PHKB: variants seen among roughly 807,000 people sequenced by gnomAD.
The protein encoded by PHKB is phosphorylase kinase regulatory subunit beta, also known as phosphorylase b kinase regulatory subunit beta.
A neutral mutation model predicts 152.1 loss-of-function variants in PHKB; 122 were observed. That is an observed-to-expected ratio of 0.80 (90% CI 0.69 to 0.93). The LOEUF is 0.93. Among genes scored for constraint, PHKB ranks in the 40% least tolerant of loss-of-function variants. The pLI is 0.00. For missense variants in PHKB, 1,304 were observed against 1,328.4 expected (o/e 0.98, Z 0.29); for synonymous variants, 436 against 464.9 (o/e 0.94, Z 0.80).
intron 6 of PHKB, among the ~76,000 whole-genome samples, chr16:47,530,248 G>A (rs1401830732): frequency 6.8e-6 from 1 of 146,810 alleles, no homozygotes; most frequent in Non-Finnish European, 1.5e-5. Flanking sequence ...TAATTTTCAT[G>A]TCTCAGCCAC....
rs766073838 is a variant in PHKB, at chr16:47,693,394, C to T, written c.2782C>T (p.Arg928Cys). 5.0e-6 allele frequency: 8 copies of T among 1,613,860 alleles called. No homozygotes were observed. Among genetic ancestry groups the T allele is most frequent in the South Asian group, 1.1e-5 (1 of 91,084 alleles). Residue 928 changes from arginine to cysteine, a missense_variant, in exon 28 of 31, where the codon CGT (arginine) becomes TGT (cysteine). Physicochemically the swap from Arg to Cys is radical, Grantham distance 180. Transcript: ENST00000323584. The part of the protein sequence containing the change: ...QQNGRCWLNR[R>C]QIDGSLNRTP... Reference sequence around the variant, plus strand: ...TTGTTACAGATGTTGGCTGAACAGGCGTCAGATCGATGGGTCTTTGAATAG... The same window carrying T: ...TTGTTACAGATGTTGGCTGAACAGGTGTCAGATCGATGGGTCTTTGAATAG...
intron 13 of PHKB, among the ~76,000 whole-genome samples, chr16:47,601,888 A>AT (rs1190951644): frequency 1.3e-5 from 2 of 152,158 alleles, no homozygotes; most frequent in Non-Finnish European, 2.9e-5. Context: ...GAATACAATA[A>AT]TTTTTTTAGG....
intron 1 of PHKB, among the ~76,000 whole-genome samples, chr16:47,471,110 T>C (rs1312523937): frequency 1.3e-5 from 2 of 152,040 alleles, no homozygotes; most frequent in African/African-American, 2.4e-5. Flanking sequence ...TCCTGCAGGG[T>C]TGAAGTAGGG....
At chr16:47,632,149 T>G (rs921371596) in intron 14 of PHKB, among the ~76,000 whole-genome samples, 1 of 152,204 alleles carries the variant, frequency 6.6e-6, no homozygotes, top group Non-Finnish European at 1.5e-5. Context: ...TCTTTTCTTA[T>G]AATAGTCCTC....
chr16:47,594,836 A>G (rs1402190847), intron 12 of PHKB, among the ~76,000 whole-genome samples: 1 of 152,240 alleles, frequency 6.6e-6, no homozygotes, highest in African/African-American at 2.4e-5. Flanking sequence ...AAGGAATTCC[A>G]AATGAGATGT....
intron 10 of PHKB, among the ~76,000 whole-genome samples, chr16:47,592,217 C>G (rs1167274224): frequency 6.6e-6 from 1 of 152,228 alleles, no homozygotes; most frequent in African/African-American, 2.4e-5. Context: ...CCCTACAACT[C>G]TCTTCGGTAT....
intron 26 of PHKB, among the ~76,000 whole-genome samples, chr16:47,686,234 T>A (rs1357266194): frequency 6.6e-6 from 1 of 152,198 alleles, no homozygotes; most frequent in Non-Finnish European, 1.5e-5. Flanking sequence ...CTAGGGATTT[T>A]AAAAGATAAA....
intron 6 of PHKB, among the ~76,000 whole-genome samples, chr16:47,541,999 A>G (rs186306547): frequency 6.6e-6 from 1 of 152,224 alleles, no homozygotes; most frequent in East Asian, 1.9e-4. Context: ...TCTTTAGTTT[A>G]ATTAGATACC....
intron 14 of PHKB, among the ~76,000 whole-genome samples, chr16:47,615,951 A>G (rs1972506949): frequency 6.6e-6 from 1 of 152,244 alleles, no homozygotes; most frequent in Admixed American, 6.5e-5. Flanking sequence ...TAAAGCATGC[A>G]ATGAAATGGT....
intron 16 of PHKB, among the ~76,000 whole-genome samples, chr16:47,645,646 G>A (rs1343806294): frequency 4.6e-5 from 7 of 151,226 alleles, no homozygotes; most frequent in South Asian, 2.1e-4. Context: ...GTCAGGTAGT[G>A]TGATGCCTCC....
intron 7 of PHKB, among the ~76,000 whole-genome samples, chr16:47,556,478 A>G (rs1324630898): frequency 6.6e-6 from 1 of 152,182 alleles, no homozygotes; most frequent in African/African-American, 2.4e-5. Flanking sequence ...TTTAGCATGA[A>G]GCGTTGTTGA....
intron 20 of PHKB, among the ~76,000 whole-genome samples, chr16:47,656,176 C>G (rs1327596511): frequency 6.6e-6 from 1 of 152,022 alleles, no homozygotes; most frequent in Non-Finnish European, 1.5e-5. Flanking sequence ...TGCCACCATG[C>G]CAGGGTAATT....
intron 1 of PHKB, among the ~76,000 whole-genome samples, chr16:47,470,112 G>C (rs1969738776): frequency 6.6e-6 from 1 of 152,194 alleles, no homozygotes; most frequent in Admixed American, 6.5e-5. Context: ...AGCGGCGCTA[G>C]AGGAATTAAA....
rs549845375 is a variant in PHKB at position 47,632,324 on chromosome 16, A to G, written c.1459-8711A>G. Among the ~76,000 whole-genome samples the G allele has an allele frequency of 2.2e-3, 341 of 152,308 alleles. 1 individual carries two copies. The highest frequency in any genetic ancestry group is 4.1e-3 in the Non-Finnish European group (280 of 68,022). On this transcript the variant is annotated intron_variant, in intron 14 of 30. Coordinates refer to ENST00000323584, the MANE Select transcript of PHKB (RefSeq NM_000293.3). ...GTAAAAGGTTGACTAGCCTTAATTGATTATCAAAAGGTGTAAAGATGACAT... is the reference window on the plus strand; with the variant it reads ...GTAAAAGGTTGACTAGCCTTAATTGGTTATCAAAAGGTGTAAAGATGACAT...
chr16:47,653,700 A>C (rs1364964345), intron 20 of PHKB, among the ~76,000 whole-genome samples: 1 of 152,224 alleles, frequency 6.6e-6, no homozygotes, highest in Non-Finnish European at 1.5e-5. Context: ...CCTTTTAAGA[A>C]ATATGTGGGC....
intron 1 of PHKB, among the ~76,000 whole-genome samples, chr16:47,490,750 C>G (rs1597026051): frequency 6.6e-6 from 1 of 152,184 alleles, no homozygotes; most frequent in Non-Finnish European, 1.5e-5. Flanking sequence ...TTTTATAACC[C>G]TTTCCAAATT....
chr16:47,664,564 C>T (rs939938956), intron 24 of PHKB, among the ~76,000 whole-genome samples: 4 of 151,982 alleles, frequency 2.6e-5, no homozygotes, highest in African/African-American at 4.8e-5. Context: ...ATAAATATGC[C>T]GTTCCTCCTC....
At chr16:47,698,371 C>A in intron 29 of PHKB, 77 bp from the exon 30 acceptor site, 2 of 1,037,422 alleles carry the variant, frequency 1.9e-6, no homozygotes, top group Non-Finnish European at 3.0e-6. Flanking sequence ...TTGGATCACC[C>A]ATCCATCTGA....
chr16:47,604,219 G>A (rs1034052829), intron 13 of PHKB, among the ~76,000 whole-genome samples: 2 of 151,980 alleles, frequency 1.3e-5, no homozygotes, highest in African/African-American at 4.8e-5. Flanking sequence ...CTACATGAAT[G>A]TTTTATATAT....
Sources: allele counts gnomAD v4.1 joint callset (sites outside exome capture counted in the v4.1 genomes callset), GRCh38; gene constraint gnomAD v4.1.1; transcripts MANE v1.5; gene names NCBI Gene and HGNC (gene_info 2026-07-23, HGNC 2026-07-21).